The following DENND6A variants were observed in gnomAD, a reference collection of about 807,000 sequenced individuals.
DENND6A encodes the protein DENN domain containing 6A, also known as protein DENND6A.
A neutral mutation model predicts 95.5 loss-of-function variants in DENND6A; 43 were observed. The ratio of observed to expected loss-of-function variants is 0.45; its 90% CI spans 0.35 to 0.58. The LOEUF is 0.58. DENND6A is among the 20% of genes least tolerant of loss of function. The pLI is 0.00. For synonymous variants in DENND6A, 257 were observed against 260.4 expected (o/e 0.99, Z 0.13); for missense variants, 574 against 736.0 (o/e 0.78, Z 2.55).
At chr3:57,654,353 T>C (rs2153414959) in intron 9 of DENND6A, among the ~76,000 whole-genome samples, 1 of 152,296 alleles carries the variant, frequency 6.6e-6, no homozygotes, top group South Asian at 2.1e-4. Context: ...GAAATCAACA[T>C]GTGTCAGATA....
At chr3:57,636,890 T>C (rs147311282) in intron 12 of DENND6A, among the ~76,000 whole-genome samples, 3,600 of 149,976 alleles carry the variant, frequency 0.024, 69 homozygotes, top group Non-Finnish European at 0.035. Flanking sequence ...TAAGCCGAGA[T>C]TGTGTCACTA....
intron 12 of DENND6A, among the ~76,000 whole-genome samples, chr3:57,639,306 T>C (rs2070873490): frequency 6.6e-6 from 1 of 152,198 alleles, no homozygotes. Context: ...CCTCATACAT[T>C]GCTGGTAAGA....
Position 57,661,435 on chromosome 3 carries a change from G to A in DENND6A, c.619+11C>T, listed in dbSNP as rs1377980834. ...TTAAAACTCCTGCATAAAGGTATAT[G>A]TTAAACTTACCTGCTTCCAAATAAG... On this transcript the variant is annotated intron_variant, in intron 6 of 19. Coordinates refer to ENST00000311128, the MANE Select transcript of DENND6A (RefSeq NM_152678.3). 1 of 1,551,910 alleles carries A rather than the reference G, an allele frequency of 6.4e-7. No homozygotes were observed. Among genetic ancestry groups the A allele is most frequent in the Non-Finnish European group, 8.6e-7 (1 of 1,159,740 alleles).
chr3:57,628,458 A>C, intron 19 of DENND6A, 113 bp from the exon 20 acceptor site: 2 of 1,393,438 alleles, frequency 1.4e-6, no homozygotes, highest in Non-Finnish European at 1.9e-6. Flanking sequence ...TTTCAGTCTT[A>C]GACCAGAAAT....
intron 8 of DENND6A, 73 bp from the exon 9 acceptor site, chr3:57,657,808 C>A: frequency 1.1e-6 from 1 of 926,950 alleles, no homozygotes; most frequent in South Asian, 1.6e-5. Context: ...ATATCTATCT[C>A]ATGATCAATA....
At chr3:57,651,552 T>C (rs1031314005) in intron 9 of DENND6A, among the ~76,000 whole-genome samples, 3 of 152,112 alleles carry the variant, frequency 2.0e-5, no homozygotes, top group African/African-American at 7.2e-5. Context: ...GGGTTATGTT[T>C]TGAGGTGATG....
chr3:57,641,621 A>G, intron 12 of DENND6A, 32 bp downstream of exon 12: 4 of 1,576,748 alleles, frequency 2.5e-6, no homozygotes, highest in Non-Finnish European at 2.6e-6. Context: ...AACACTGCAC[A>G]CTAGAAACAG....
At chr3:57,675,978 T>C (rs1238518988) in intron 1 of DENND6A, among the ~76,000 whole-genome samples, 1 of 151,908 alleles carries the variant, frequency 6.6e-6, no homozygotes, top group African/African-American at 2.4e-5. Context: ...ATGGCTGTCT[T>C]AGGAGAGTCA....
At chr3:57,628,916 T>C in intron 18 of DENND6A, 31 bp from the exon 19 acceptor site, 1 of 1,584,788 alleles carries the variant, frequency 6.3e-7, no homozygotes, top group African/African-American at 1.4e-5. Context: ...AATCAGTAAG[T>C]TCTCAAAATA....
intron 4 of DENND6A, 79 bp downstream of exon 4, chr3:57,666,044 A>G: frequency 1.7e-6 from 2 of 1,171,218 alleles, no homozygotes; most frequent in Non-Finnish European, 2.5e-6. Context: ...ATATTTCTGA[A>G]TGGTGTCAGC....
At chr3:57,634,499 A>C (rs2070752085) in intron 14 of DENND6A, 59 bp downstream of exon 14, 2 of 968,902 alleles carry the variant, frequency 2.1e-6, no homozygotes, top group Non-Finnish European at 2.9e-6. Context: ...ATATTGCGTA[A>C]CTGGATATTA....
chr3:57,637,451 A>G (rs977796221), intron 12 of DENND6A, among the ~76,000 whole-genome samples: 2 of 152,218 alleles, frequency 1.3e-5, no homozygotes, highest in African/African-American at 4.8e-5. Flanking sequence ...GACACAGGAG[A>G]GCAAAATCTT....
chr3:57,688,062 C>T (rs115342431), intron 1 of DENND6A, among the ~76,000 whole-genome samples: 2,041 of 151,664 alleles, frequency 0.013, 50 homozygotes, highest in African/African-American at 0.046. Flanking sequence ...GTGGTATGAT[C>T]TCAGTTCACT....
chr3:57,636,366 A>G (rs895393416), intron 12 of DENND6A, among the ~76,000 whole-genome samples: 4 of 152,248 alleles, frequency 2.6e-5, no homozygotes, highest in Admixed American at 2.6e-4. Flanking sequence ...AAGCAGTATC[A>G]TGGATACACA....
intron 3 of DENND6A, among the ~76,000 whole-genome samples, chr3:57,667,751 A>C (rs185757897): frequency 4.6e-5 from 7 of 152,330 alleles, no homozygotes; most frequent in African/African-American, 7.2e-5. Flanking sequence ...TTTCATAGCA[A>C]CTTGATATTG....
intron 1 of DENND6A, among the ~76,000 whole-genome samples, chr3:57,690,017 C>T (rs1242600706): frequency 4.0e-5 from 6 of 148,962 alleles, no homozygotes; most frequent in Non-Finnish European, 7.4e-5. Flanking sequence ...TGCCACTGCA[C>T]TCCAATCTGA....
At chr3:57,665,077 C>A (rs907036207) in intron 4 of DENND6A, among the ~76,000 whole-genome samples, 1 of 151,962 alleles carries the variant, frequency 6.6e-6, no homozygotes, top group African/African-American at 2.4e-5. Flanking sequence ...GGAAAAAGCA[C>A]ATAGTTCAGT....
rs892499384 is a variant in DENND6A at position 57,693,072 on chromosome 3, G to C, written c.-54C>G. The C allele has an allele frequency of 1.6e-5, 21 of 1,322,136 alleles. No homozygotes were observed. In the African/African-American group the frequency reaches 2.8e-4, roughly 18 times the overall value. The allele number at this position is 1,322,136 out of a possible 1,614,324, so 81.9% of individuals were successfully genotyped here. The stretch of plus-strand genomic sequence containing the variant: ...TCCACAGCGGACCGCGCCGCAGAGC[G>C]CGCTTGCCTCCGCGCAGGCGCAGAC... On this transcript the variant is annotated 5_prime_UTR_variant, in exon 1 of 20. Coordinates refer to ENST00000311128, the MANE Select transcript of DENND6A (RefSeq NM_152678.3).
At chr3:57,688,226 C>T (rs528402909) in intron 1 of DENND6A, among the ~76,000 whole-genome samples, 2 of 152,082 alleles carry the variant, frequency 1.3e-5, no homozygotes, top group African/African-American at 4.8e-5. Flanking sequence ...GAACTCCTGA[C>T]CTCAAGTGAT....
Sources: gnomAD v4.1 joint callset for allele counts (sites outside exome capture counted in the v4.1 genomes callset) on GRCh38, gnomAD v4.1.1 for gene constraint, MANE v1.5 for transcripts, NCBI Gene and HGNC (gene_info 2026-07-23, HGNC 2026-07-21) for gene names.